Variants in MTMR14 observed in about 807,000 individuals in gnomAD.
MTMR14 encodes the protein myotubularin related protein 14, also known as phosphatidylinositol-3,5-bisphosphate 3-phosphatase MTMR14.
In MTMR14, 48 loss-of-function variants were observed where a neutral mutation model predicts 86.3. That is an observed-to-expected ratio of 0.56 (90% confidence interval 0.44 to 0.71). The LOEUF (loss-of-function observed/expected upper bound fraction) is 0.71. Among genes scored for constraint, MTMR14 ranks in the 30% least tolerant of loss-of-function variants. The probability of loss-of-function intolerance (pLI) is 0.00; values close to 1 mark genes in which losing one functional copy is unlikely to be tolerated. For synonymous variants in MTMR14, 366 were observed against 326.1 expected (o/e 1.12, Z -1.32); for missense variants, 780 against 834.6 (o/e 0.93, Z 0.81).
rs2076413749 is a variant in MTMR14 at position 9,700,333 on chromosome 3, C to T, written c.1770-1457C>T. ...ATTTAGGTGTATGGGAATGTGAGGG[C>T]TCTTCTCATGTAAGTCTGTGACCCC... On this transcript the variant is annotated intron_variant, in intron 18 of 18. Transcript: ENST00000296003. 3 of 152,162 alleles carry T rather than the reference C, an allele frequency of 2.0e-5. No homozygotes were observed. In the South Asian group the frequency reaches 6.2e-4, roughly 31 times the overall value. 9.4% of individuals were successfully genotyped at this position (152,162 alleles called of 1,614,324 possible). A position where few individuals can be genotyped will look rare whatever the true frequency, so the allele number is the denominator to read the frequency against.
chr3:9,674,396 A>G (rs373288506), intron 7 of MTMR14, among the ~76,000 whole-genome samples: 8 of 152,206 alleles, frequency 5.3e-5, no homozygotes, highest in African/African-American at 1.4e-4. Flanking sequence ...CATGATGTCT[A>G]TTTGTAATAG....
chr3:9,694,797 C>T (rs893095958), intron 17 of MTMR14, among the ~76,000 whole-genome samples: 2 of 152,210 alleles, frequency 1.3e-5, no homozygotes, highest in African/African-American at 4.8e-5. Flanking sequence ...TAAAAGACAC[C>T]TGCTCTGAGT....
At chr3:9,666,222 C>T (rs1344544904) in intron 3 of MTMR14, among the ~76,000 whole-genome samples, 1 of 150,950 alleles carries the variant, frequency 6.6e-6, no homozygotes, top group Non-Finnish European at 1.5e-5. Flanking sequence ...TAACCTCTGC[C>T]TCCCAGGCTC....
intron 13 of MTMR14, among the ~76,000 whole-genome samples, chr3:9,686,442 G>GT (rs1470422386): frequency 6.6e-6 from 1 of 152,146 alleles, no homozygotes; most frequent in Non-Finnish European, 1.5e-5. Context: ...ATGTAGACAA[G>GT]AGGCTCTCCT....
chr3:9,688,019 T>C, intron 14 of MTMR14, 128 bp downstream of exon 14: 1 of 820,772 alleles, frequency 1.2e-6, no homozygotes, highest in Non-Finnish European at 2.0e-6. Context: ...TGCTCCCTCC[T>C]GCCTTCGCTC....
At position 9,685,041 on chromosome 3, in the gene MTMR14, CAG is replaced by C. The variant is rs1040793763; in HGVS notation, c.1127+78_1127+79del. 2.0e-4 allele frequency: 298 copies of C among 1,525,530 alleles called. 2 individuals carry two copies. Among genetic ancestry groups the C allele is most frequent in the Admixed American group, 3.2e-4 (19 of 59,842 alleles). 94.5% of individuals were successfully genotyped at this position (1,525,530 alleles called of 1,614,324 possible). ...GTGAGTTGTGTGGTGGCTCCCTTGA[CAG>C]GGGCTGGAGGTAAGGATAATTCCAC... On this transcript the variant is annotated intron_variant, in intron 12 of 18. Transcript: ENST00000296003.
At chr3:9,670,018 T>C (rs1249746594) in intron 5 of MTMR14, among the ~76,000 whole-genome samples, 1 of 152,134 alleles carries the variant, frequency 6.6e-6, no homozygotes, top group Non-Finnish European at 1.5e-5. Context: ...GGAGTTTGAG[T>C]CCCTATAAAA....
At chr3:9,664,390 CCAA>C (rs2048130235) in intron 3 of MTMR14, among the ~76,000 whole-genome samples, 1 of 151,810 alleles carries the variant, frequency 6.6e-6, no homozygotes, top group African/African-American at 2.4e-5. Context: ...AGCATTATTA[CCAA>C]CAATACTTTA....
At chr3:9,668,361 G>C (rs2048370041) in intron 3 of MTMR14, among the ~76,000 whole-genome samples, 1 of 152,154 alleles carries the variant, frequency 6.6e-6, no homozygotes, top group Non-Finnish European at 1.5e-5. Flanking sequence ...CAGCAACAAT[G>C]CATGCCACCT....
intron 10 of MTMR14, chr3:9,683,598 AGTGGATGCACACAGCCTGTAGAGGCCCT>A (rs1274610122): frequency 3.3e-6 from 1 of 299,906 alleles, no homozygotes; most frequent in Non-Finnish European, 6.5e-6. Flanking sequence ...CGGGCTGCTC[AGTGGATGCACACAGCCTGTAGAGGCCCT>A]GTTCTCCAGA....
At chr3:9,688,847 T>TG in intron 15 of MTMR14, 93 bp downstream of exon 15, 2 of 1,526,202 alleles carry the variant, frequency 1.3e-6, no homozygotes, top group Non-Finnish European at 1.8e-6. Context: ...GGTTTTTTGT[T>TG]TTTTTTTTTT....
At chr3:9,672,824 C>G in intron 7 of MTMR14, 66 bp downstream of exon 7, 1 of 1,464,592 alleles carries the variant, frequency 6.8e-7, no homozygotes, top group East Asian at 2.3e-5. Flanking sequence ...TGAGCAAGCC[C>G]TCTCTACTTA....
intron 14 of MTMR14, 70 bp from the exon 15 acceptor site, chr3:9,688,626 G>A: frequency 1.3e-6 from 2 of 1,575,470 alleles, no homozygotes; most frequent in Non-Finnish European, 1.7e-6. Flanking sequence ...GGACAGGCAG[G>A]ATTGGGAACG....
intron 17 of MTMR14, among the ~76,000 whole-genome samples, chr3:9,693,081 C>T (rs1169444958): frequency 6.6e-6 from 1 of 152,192 alleles, no homozygotes; most frequent in African/African-American, 2.4e-5. Flanking sequence ...TCTGTATCAG[C>T]CTTGTCAGAT....
At position 9,653,692 on chromosome 3, in the gene MTMR14, G is replaced by A. The variant is rs377425419; in HGVS notation, c.231G>A (p.Thr77=). The part of the protein sequence containing the change: ...RDYCFSVIPN[T]NGDICGHYPR... ...ACTGTTTCAGCGTGATTCCAAACAC[G>A]AATGGGGATATCTGTGGCCACTATC... Residue 77 remains threonine (T), a synonymous_variant, in exon 2 of 19, where the codon ACG becomes ACA. Coordinates refer to ENST00000296003, the MANE Select transcript of MTMR14 (RefSeq NM_001077525.3). 1.1e-5 allele frequency: 17 copies of A among 1,614,060 alleles called. No homozygotes were observed. The highest frequency in any genetic ancestry group is 6.7e-5 in the African/African-American group (5 of 74,906).
In MTMR14 at chr3:9,650,594, A is replaced by G. The variant is rs149276094; in HGVS notation, c.159+852A>G. On this transcript the variant is annotated intron_variant, in intron 1 of 18. Transcript: ENST00000296003. ...AAGTAACCCAGGGAAGACTTCAGTA[A>G]GGATTGGACTTCCTCACTCTCCAAA... 1.1e-3 allele frequency: 345 copies of G among 301,324 alleles called. 1 individual carries two copies. The highest frequency in any genetic ancestry group is 2.6e-3 in the Middle Eastern group (2 of 758). 18.7% of individuals were successfully genotyped at this position (301,324 alleles called of 1,614,324 possible).
chr3:9,659,838 T>C (rs1449448863), intron 2 of MTMR14: 1 of 456,638 alleles, frequency 2.2e-6, no homozygotes, highest in East Asian at 6.9e-5. Flanking sequence ...AGATCCTCCC[T>C]AGAGGAAAAT....
intron 4 of MTMR14, among the ~76,000 whole-genome samples, chr3:9,669,089 G>A (rs548334325): frequency 8.0e-5 from 12 of 150,818 alleles, no homozygotes; most frequent in Non-Finnish European, 1.0e-4. Flanking sequence ...GCAGTGAGCC[G>A]AGATCACGCC....
intron 17 of MTMR14, among the ~76,000 whole-genome samples, chr3:9,692,439 G>T (rs1486436866): frequency 3.9e-5 from 6 of 152,250 alleles, no homozygotes; most frequent in Admixed American, 2.0e-4. Context: ...TGCTGCAGCA[G>T]CTTCTGATTA....
Sources: allele counts gnomAD v4.1 joint callset (sites outside exome capture counted in the v4.1 genomes callset), GRCh38; gene constraint gnomAD v4.1.1; transcripts MANE v1.5; gene names NCBI Gene and HGNC (gene_info 2026-07-23, HGNC 2026-07-21).